The following AGMO variants were observed in gnomAD, a reference collection of about 807,000 sequenced individuals.
The protein encoded by AGMO is glyceryl-ether monooxygenase.
In AGMO, 75 loss-of-function variants were observed where a neutral mutation model predicts 60.2. The observed-to-expected ratio is 1.25, with a 90% CI of 1.03 to 1.51. AGMO has a LOEUF of 1.51. Ranked by LOEUF, AGMO falls within the 40% of genes most tolerant of loss-of-function variation. AGMO has a pLI of 0.00. For missense variants in AGMO, 763 were observed against 525.5 expected (o/e 1.45, Z -4.42); for synonymous variants, 261 against 177.1 (o/e 1.47, Z -3.76).
chr7:15,552,136 G>T (rs902611025), intron 2 of AGMO, among the ~76,000 whole-genome samples: 293 of 152,200 alleles, frequency 1.9e-3, no homozygotes, highest in African/African-American at 6.6e-3. Context: ...GCTGAAACTG[G>T]ATCCCTTCCT....
In AGMO at chr7:15,406,279, C is replaced by T. The variant is rs1784683745; in HGVS notation, c.610-12100G>A. On this transcript the variant is annotated intron_variant, in intron 5 of 12. Coordinates refer to ENST00000342526, the MANE Select transcript of AGMO (RefSeq NM_001004320.2). ...TATATTCCATATAAGTATACATGTACACATATGTGTGTATATATATGGAAT... is the reference window on the plus strand; with the variant it reads ...TATATTCCATATAAGTATACATGTATACATATGTGTGTATATATATGGAAT... Among the ~76,000 whole-genome samples the T allele has an allele frequency of 4.2e-5, 6 of 143,408 alleles. No homozygotes were observed. The Admixed American group carries it at 4.2e-4, about 10-fold the overall frequency. The allele number at this position is 143,408 out of a possible 152,430, so 94.1% of individuals were successfully genotyped here. A position where few individuals can be genotyped will look rare whatever the true frequency, so the allele number is the denominator to read the frequency against.
intron 2 of AGMO, among the ~76,000 whole-genome samples, chr7:15,555,292 T>C (rs201158518): frequency 0.054 from 5,163 of 95,644 alleles, 195 homozygotes; most frequent in East Asian, 0.16. Context: ...TATATATATA[T>C]ACACACACAC....
At chr7:15,529,799 T>TAC (rs1784256866) in intron 3 of AGMO, among the ~76,000 whole-genome samples, 3 of 66,346 alleles carry the variant, frequency 4.5e-5, no homozygotes, top group South Asian at 9.0e-4. Context: ...TATTTCTCTA[T>TAC]ATATATATTC....
intron 10 of AGMO, among the ~76,000 whole-genome samples, chr7:15,372,737 A>T (rs540586477): frequency 6.6e-6 from 1 of 152,324 alleles, no homozygotes; most frequent in Admixed American, 6.5e-5. Flanking sequence ...TTTTTATAAC[A>T]GGGAGGATTT....
At chr7:15,385,227 C>A (rs1416296466) in intron 10 of AGMO, among the ~76,000 whole-genome samples, 2 of 152,178 alleles carry the variant, frequency 1.3e-5, no homozygotes, top group African/African-American at 4.8e-5. Flanking sequence ...GCATACCACT[C>A]AGTGAACATT....
At chr7:15,373,852 G>T (rs925238384) in intron 10 of AGMO, among the ~76,000 whole-genome samples, 6 of 152,124 alleles carry the variant, frequency 3.9e-5, no homozygotes, top group African/African-American at 1.4e-4. Context: ...TGCCTGACAA[G>T]GTCTACAAAA....
chr7:15,241,076 A>C (rs112313317), intron 12 of AGMO, among the ~76,000 whole-genome samples: 1 of 152,178 alleles, frequency 6.6e-6, no homozygotes, highest in Non-Finnish European at 1.5e-5. Context: ...AATATCAGGG[A>C]AAGTCAGTCA....
At chr7:15,553,749 C>T (rs1785046693) in intron 2 of AGMO, among the ~76,000 whole-genome samples, 1 of 151,654 alleles carries the variant, frequency 6.6e-6, no homozygotes, top group African/African-American at 2.4e-5. Flanking sequence ...CAAAAACCTG[C>T]CTGAAATTGA....
chr7:15,279,170 G>A (rs773486032), intron 12 of AGMO, among the ~76,000 whole-genome samples: 19 of 152,172 alleles, frequency 1.2e-4, no homozygotes, highest in African/African-American at 2.6e-4. Flanking sequence ...GCTCTCCCCC[G>A]TCTAGAATTG....
Position 15,484,709 on chromosome 7 carries a change from C to T in AGMO, c.410-53601G>A, listed in dbSNP as rs149148689. Among the ~76,000 whole-genome samples the T allele has an allele frequency of 9.9e-3, 1,510 of 152,112 alleles. 30 individuals carry two copies. The highest frequency in any genetic ancestry group is 0.035 in the African/African-American group (1,433 of 41,478). On this transcript the variant is annotated intron_variant, in intron 3 of 12. Transcript: ENST00000342526. ...ACTAGTTCTAGAAAAGTACTAGAAA[C>T]TTAAGTTATTAAGAACATGCTTTGA...
chr7:15,222,951 A>G (rs1248233398), intron 12 of AGMO, among the ~76,000 whole-genome samples: 1 of 151,968 alleles, frequency 6.6e-6, no homozygotes, highest in East Asian at 1.9e-4. Flanking sequence ...CAATTTTTCC[A>G]AAATGTCTCA....
intron 12 of AGMO, among the ~76,000 whole-genome samples, chr7:15,292,514 C>G (rs1236761057): frequency 6.6e-6 from 1 of 152,118 alleles, no homozygotes; most frequent in Non-Finnish European, 1.5e-5. Flanking sequence ...ACGACTAGTA[C>G]TGTGAACATG....
chr7:15,151,060 T>C, the AGMO span, among the ~76,000 whole-genome samples: 4 of 152,130 alleles, frequency 2.6e-5, no homozygotes, highest in African/African-American at 9.7e-5. Flanking sequence ...GTTGTATATC[T>C]CTGGGAATGT....
At chr7:15,239,042 T>C (rs1357493368) in intron 12 of AGMO, among the ~76,000 whole-genome samples, 1 of 152,110 alleles carries the variant, frequency 6.6e-6, no homozygotes, top group Non-Finnish European at 1.5e-5. Flanking sequence ...TCCAAGGTCA[T>C]GAAGGTAGTA....
chr7:15,294,492 C>A (rs948925627), intron 12 of AGMO, among the ~76,000 whole-genome samples: 1 of 149,850 alleles, frequency 6.7e-6, no homozygotes, highest in Admixed American at 6.6e-5. Context: ...ACAATAAAAC[C>A]TCAATTTCAA....
In AGMO at chr7:15,373,871, T is replaced by C. The variant is rs114074547; in HGVS notation, c.1075-7649A>G. Among the ~76,000 whole-genome samples the C allele has an allele frequency of 9.7e-3, 1,477 of 152,314 alleles. 25 individuals are homozygous for C. Among genetic ancestry groups the C allele is most frequent in the African/African-American group, 0.033 (1,392 of 41,562 alleles). ...TGACAAGGTCTACAAAAGTTATTATTTTGATTAATGCTCATCTTCTCAGAC... is the reference window on the plus strand; with the variant it reads ...TGACAAGGTCTACAAAAGTTATTATCTTGATTAATGCTCATCTTCTCAGAC... On this transcript the variant is annotated intron_variant, in intron 10 of 12. Transcript: ENST00000342526.
intron 3 of AGMO, among the ~76,000 whole-genome samples, chr7:15,481,604 A>G (rs1010925316): frequency 6.6e-5 from 10 of 152,272 alleles, no homozygotes; most frequent in African/African-American, 2.2e-4. Context: ...AAGGAGAAAT[A>G]GATAAATGTA....
intron 3 of AGMO, among the ~76,000 whole-genome samples, chr7:15,493,858 T>C (rs995409291): frequency 1.2e-4 from 18 of 152,154 alleles, no homozygotes; most frequent in African/African-American, 4.3e-4. Flanking sequence ...TCTTTTTTTG[T>C]TAATTTGTGG....
chr7:15,373,400 G>A (rs1783308346), intron 10 of AGMO, among the ~76,000 whole-genome samples: 1 of 152,068 alleles, frequency 6.6e-6, no homozygotes, highest in Non-Finnish European at 1.5e-5. Flanking sequence ...TCTTTAAATA[G>A]ATGGGAAAAA....
Sources: allele counts gnomAD v4.1 joint callset (sites outside exome capture counted in the v4.1 genomes callset), GRCh38; gene constraint gnomAD v4.1.1; transcripts MANE v1.5; gene names NCBI Gene and HGNC (gene_info 2026-07-23, HGNC 2026-07-21).